The following ANKS1B variants were observed in gnomAD, a reference collection of about 807,000 sequenced individuals.
ANKS1B encodes ankyrin repeat and sterile alpha motif domain-containing protein 1B.
A neutral mutation model predicts 148.3 loss-of-function variants in ANKS1B; 36 were observed. The observed-to-expected ratio is 0.24, with a 90% CI of 0.19 to 0.32. The LOEUF is 0.32. Ranked by LOEUF, ANKS1B falls within the 10% of genes least tolerant of loss-of-function variation. The pLI, the probability that ANKS1B is intolerant of heterozygous loss-of-function variation, is 1.00. For missense variants in ANKS1B, 1,157 were observed against 1,542.6 expected (o/e 0.75, Z 4.19); for synonymous variants, 542 against 560.8 (o/e 0.97, Z 0.47).
At chr12:99,931,740 G>T (rs1276180634) in intron 1 of ANKS1B, among the ~76,000 whole-genome samples, 2 of 151,992 alleles carry the variant, frequency 1.3e-5, no homozygotes, top group Admixed American at 6.6e-5. Context: ...GGTAAACAGG[G>T]TATCCATCAC....
At position 99,696,769 on chromosome 12, in the gene ANKS1B, T is replaced by C. The variant is rs146754962; in HGVS notation, c.1129-41559A>G. ...TTGAAAAATTCTGCTCTGTGAAAGA[T>C]ACTCTTAAGAGAATGAAAGGACAAG... On this transcript the variant is annotated intron_variant, in intron 8 of 26. Transcript: ENST00000683438. Among the ~76,000 whole-genome samples the C allele has an allele frequency of 8.6e-3, 1,312 of 152,286 alleles. 27 individuals are homozygous for C. Among genetic ancestry groups the C allele is most frequent in the African/African-American group, 0.029 (1,210 of 41,556 alleles).
intron 15 of ANKS1B, among the ~76,000 whole-genome samples, chr12:99,094,894 G>A (rs988846831): frequency 4.6e-5 from 7 of 152,260 alleles, no homozygotes; most frequent in African/African-American, 2.4e-5. Flanking sequence ...TGTGGAGAAT[G>A]GATGGAGAAA....
intron 17 of ANKS1B, among the ~76,000 whole-genome samples, chr12:98,833,460 T>C (rs1394659500): frequency 6.6e-6 from 1 of 152,190 alleles, no homozygotes; most frequent in Non-Finnish European, 1.5e-5. Flanking sequence ...GATATAATAA[T>C]CTTGTTGGGT....
intron 9 of ANKS1B, among the ~76,000 whole-genome samples, chr12:99,587,870 T>C (rs549610016): frequency 5.3e-5 from 8 of 152,158 alleles, no homozygotes; most frequent in African/African-American, 1.4e-4. Flanking sequence ...AATATCAACA[T>C]GGAGGGATTG....
At chr12:99,370,861 T>C (rs575245772) in intron 12 of ANKS1B, among the ~76,000 whole-genome samples, 1 of 152,280 alleles carries the variant, frequency 6.6e-6, no homozygotes, top group Admixed American at 6.5e-5. Context: ...AGTCCTAAGA[T>C]TGAAGAAGAG....
At chr12:99,179,270 T>C (rs1290368880) in intron 14 of ANKS1B, among the ~76,000 whole-genome samples, 4 of 151,124 alleles carry the variant, frequency 2.6e-5, no homozygotes, top group Non-Finnish European at 4.4e-5. Context: ...CTACTAAAAA[T>C]ACAAAAAAAT....
In ANKS1B at chr12:98,993,140, T is replaced by C. The variant is rs372764080; in HGVS notation, c.2778+60017A>G. ...GTAATAGAAAAGGCTGTTTTCTTCA[T>C]AGTTGATTCTTTTTTTAAAAATTTA... On this transcript the variant is annotated intron_variant, in intron 17 of 26. Transcript: ENST00000683438. Among the ~76,000 whole-genome samples, 119 of 152,284 alleles carry C rather than the reference T, an allele frequency of 7.8e-4. 1 individual carries two copies. Among genetic ancestry groups the C allele is most frequent in the African/African-American group, 2.8e-3 (116 of 41,562 alleles).
intron 12 of ANKS1B, among the ~76,000 whole-genome samples, chr12:99,248,073 C>A (rs878859863): frequency 2.6e-5 from 4 of 152,068 alleles, no homozygotes; most frequent in African/African-American, 7.2e-5. Context: ...TCATTTGACA[C>A]CCATAACAAT....
intron 17 of ANKS1B, among the ~76,000 whole-genome samples, chr12:98,925,638 C>A (rs1447771455): frequency 6.6e-6 from 1 of 152,166 alleles, no homozygotes; most frequent in Non-Finnish European, 1.5e-5. Context: ...TAACCATCTG[C>A]CTCTCCACAG....
intron 15 of ANKS1B, among the ~76,000 whole-genome samples, chr12:99,152,409 C>T (rs1047355394): frequency 6.6e-6 from 1 of 151,992 alleles, no homozygotes; most frequent in South Asian, 2.1e-4. Flanking sequence ...TTGAATTAAA[C>T]AAGTAAAGAA....
At chr12:99,219,471 A>G (rs1447626224) in intron 14 of ANKS1B, among the ~76,000 whole-genome samples, 2 of 152,240 alleles carry the variant, frequency 1.3e-5, no homozygotes. Context: ...GGAAGTATGA[A>G]GAAGTGGCCT....
chr12:99,916,459 A>G (rs10860538), intron 1 of ANKS1B, among the ~76,000 whole-genome samples: 96,207 of 152,008 alleles, frequency 0.63, 32,095 homozygotes, highest in African/African-American at 0.78. Context: ...TCTCACCATC[A>G]GCCCAATGGG....
intron 14 of ANKS1B, among the ~76,000 whole-genome samples, chr12:99,204,561 A>C (rs560212937): frequency 1.3e-5 from 2 of 152,346 alleles, no homozygotes; most frequent in Non-Finnish European, 2.9e-5. Context: ...TATGCACAAT[A>C]ATTACAGCCA....
Position 99,453,162 on chromosome 12 carries a change from T to A in ANKS1B, c.1439-9353A>T, listed in dbSNP as rs570318970. On this transcript the variant is annotated intron_variant, in intron 10 of 26. Transcript: ENST00000683438. ...AAAATTAGCCAGGCGTGGTGGTGGG[T>A]GCCTGTAGTCCCAGCTACTCCGGAG... 7.6e-4 allele frequency among the ~76,000 whole-genome samples: 115 copies of A among 152,038 alleles called. 1 individual carries two copies. The highest frequency in any genetic ancestry group is 2.6e-3 in the African/African-American group (109 of 41,454).
intron 8 of ANKS1B, among the ~76,000 whole-genome samples, chr12:99,674,068 T>C (rs909442784): frequency 1.4e-4 from 21 of 151,766 alleles, no homozygotes; most frequent in Admixed American, 9.8e-4. Flanking sequence ...ATAAGAAACG[T>C]TGGTGCCCTA....
chr12:98,895,092 G>T, intron 17 of ANKS1B: 1 of 980,586 alleles, frequency 1.0e-6, no homozygotes, highest in Non-Finnish European at 1.2e-6. Flanking sequence ...GGGCGGCGAG[G>T]CGGGGGGGAG....
chr12:98,860,606 T>C (rs899625626), intron 17 of ANKS1B, among the ~76,000 whole-genome samples: 6 of 152,176 alleles, frequency 3.9e-5, no homozygotes, highest in Admixed American at 3.9e-4. Context: ...CTCCCACGTA[T>C]AAATGAGAAC....
intron 9 of ANKS1B, among the ~76,000 whole-genome samples, chr12:99,646,401 G>A (rs2098364346): frequency 6.6e-6 from 1 of 152,100 alleles, no homozygotes; most frequent in South Asian, 2.1e-4. Flanking sequence ...GCTCACACCT[G>A]TAATCCCAGC....
intron 10 of ANKS1B, among the ~76,000 whole-genome samples, chr12:99,453,073 A>G (rs540373074): frequency 0.016 from 2,449 of 152,146 alleles, 22 homozygotes; most frequent in Non-Finnish European, 0.023. Flanking sequence ...GGCGGATCAC[A>G]AGGTCAGGAG....
Sources: allele counts gnomAD v4.1 joint callset (sites outside exome capture counted in the v4.1 genomes callset), GRCh38; gene constraint gnomAD v4.1.1; transcripts MANE v1.5; gene names NCBI Gene and HGNC (gene_info 2026-07-23, HGNC 2026-07-21).